Variants in SLC12A2 observed in about 807,000 individuals in gnomAD.
SLC12A2 encodes the protein Na-K-2Cl cotransporter 1.
Under a neutral mutation model 136.3 loss-of-function variants are expected in SLC12A2, and 67 were observed. The observed-to-expected ratio is 0.49, with a 90% confidence interval of 0.40 to 0.60. SLC12A2 has a LOEUF of 0.60. Ranked by LOEUF, SLC12A2 falls within the 20% of genes least tolerant of loss-of-function variation. SLC12A2 has a pLI of 0.00. For synonymous variants in SLC12A2, 619 were observed against 562.9 expected (o/e 1.10, Z -1.41); for missense variants, 1,322 against 1,534.7 (o/e 0.86, Z 2.32).
rs1288457750 is a variant in SLC12A2 at position 128,188,669 on chromosome 5, G to C, written c.*2038G>C. 6.7e-6 allele frequency: 1 copy of C among 149,664 alleles called. No individual in the cohort carries two copies. The highest frequency in any genetic ancestry group is 1.5e-5 in the Non-Finnish European group (1 of 67,702). The allele number at this position is 149,664 out of a possible 1,614,324, so 9.3% of individuals were successfully genotyped here. A position where few individuals can be genotyped will look rare whatever the true frequency, so the allele number is the denominator to read the frequency against. ...TGCAGCATTTTTGCTTCATGAGTATGACCTAGGTATAGAGATCTGATAACT... is the reference window on the plus strand; with the variant it reads ...TGCAGCATTTTTGCTTCATGAGTATCACCTAGGTATAGAGATCTGATAACT... On this transcript the variant is annotated 3_prime_UTR_variant, in exon 27 of 27. Transcript: ENST00000262461.
chr5:128,186,446 A>G, intron 26 of SLC12A2, 50 bp from the exon 27 acceptor site: 1 of 1,543,864 alleles, frequency 6.5e-7, no homozygotes. Flanking sequence ...TTATTCTGTA[A>G]ATGCATTGCT....
intron 13 of SLC12A2, among the ~76,000 whole-genome samples, chr5:128,150,534 A>C (rs186398329): frequency 2.0e-5 from 3 of 151,860 alleles, no homozygotes; most frequent in Non-Finnish European, 4.4e-5. Flanking sequence ...AAAGATTTGA[A>C]AGTCTGAGAA....
At position 128,084,823 on chromosome 5, in the gene SLC12A2, T is replaced by A; in HGVS notation, c.756+113T>A. ...GGCGGGAGTAGTAGACGTGCACGAC[T>A]TGCTGGCATCTCTGGATTCAGCTGT... is the stretch of plus-strand genomic sequence containing the variant. On this transcript the variant is annotated intron_variant, in intron 1 of 26. Coordinates refer to ENST00000262461, the MANE Select transcript of SLC12A2 (RefSeq NM_001046.3). The surrounding 1 kb of genome is among the most constrained non-coding windows in gnomAD (Gnocchi z 5.6). The A allele has an allele frequency of 8.6e-7, 1 of 1,168,198 alleles. No homozygotes were observed. Among genetic ancestry groups the A allele is most frequent in the Non-Finnish European group, 1.2e-6 (1 of 853,518 alleles). 72.4% of individuals were successfully genotyped at this position (1,168,198 alleles called of 1,614,324 possible). A position where few individuals can be genotyped will look rare whatever the true frequency, so the allele number is the denominator to read the frequency against.
chr5:128,141,998 T>C lies in SLC12A2; in HGVS notation c.1773+17T>C. On this transcript the variant is annotated intron_variant, in intron 10 of 26. Coordinates refer to ENST00000262461, the MANE Select transcript of SLC12A2 (RefSeq NM_001046.3). ...AACTTCCAGGTGAGCATTGACTTTG[T>C]AATATACAGACATTCTGTATTTATC... is the stretch of plus-strand genomic sequence containing the variant. 6.2e-7 allele frequency: 1 copy of C among 1,609,422 alleles called. No individual in the cohort carries two copies. The highest frequency in any genetic ancestry group is 8.5e-7 in the Non-Finnish European group (1 of 1,176,078).
chr5:128,147,067 A>G (rs1234564034), intron 10 of SLC12A2, among the ~76,000 whole-genome samples: 1 of 149,678 alleles, frequency 6.7e-6, no homozygotes, highest in Non-Finnish European at 1.5e-5. Context: ...GCATAAACCA[A>G]ATATAATGTG....
intron 1 of SLC12A2, among the ~76,000 whole-genome samples, chr5:128,090,035 GT>G (rs1471694661): frequency 6.6e-6 from 1 of 152,190 alleles, no homozygotes; most frequent in East Asian, 1.9e-4. Flanking sequence ...TGATTTCACA[GT>G]TTTGCCAGGG....
chr5:128,102,132 T>A (rs1760760084), intron 1 of SLC12A2, among the ~76,000 whole-genome samples: 1 of 152,162 alleles, frequency 6.6e-6, no homozygotes, highest in Non-Finnish European at 1.5e-5. Context: ...AGCTAAAATT[T>A]ATTGAGCTCT....
chr5:128,172,158 A>T (rs964865613), intron 19 of SLC12A2, among the ~76,000 whole-genome samples: 1 of 152,218 alleles, frequency 6.6e-6, no homozygotes, highest in Non-Finnish European at 1.5e-5. Flanking sequence ...AAAGTTTGTC[A>T]TAACGTTTTC....
At chr5:128,099,219 A>G (rs1760656642) in intron 1 of SLC12A2, among the ~76,000 whole-genome samples, 1 of 152,176 alleles carries the variant, frequency 6.6e-6, no homozygotes, top group South Asian at 2.1e-4. Context: ...CCTAGGCTAT[A>G]TGGTGTAGCC....
intron 6 of SLC12A2, 78 bp downstream of exon 6, chr5:128,134,353 A>G (rs898046543): frequency 1.3e-6 from 1 of 771,968 alleles, no homozygotes; most frequent in Non-Finnish European, 2.3e-6. Context: ...ACTCTGAAGT[A>G]TGGTAATATT....
At chr5:128,180,415 C>G (rs908340546) in intron 22 of SLC12A2, among the ~76,000 whole-genome samples, 10 of 152,134 alleles carry the variant, frequency 6.6e-5, no homozygotes, top group Non-Finnish European at 1.5e-4. Context: ...AAACAAAGAT[C>G]AGGGCATTGG....
intron 12 of SLC12A2, among the ~76,000 whole-genome samples, chr5:128,149,321 T>C (rs1371686012): frequency 6.6e-6 from 1 of 151,846 alleles, no homozygotes; most frequent in African/African-American, 2.4e-5. Context: ...CCACAAGTGT[T>C]GTGGGACTAT....
At chr5:128,098,113 G>T (rs1760609419) in intron 1 of SLC12A2, among the ~76,000 whole-genome samples, 1 of 151,972 alleles carries the variant, frequency 6.6e-6, no homozygotes, top group Non-Finnish European at 1.5e-5. Flanking sequence ...TTGACTTTCA[G>T]CAGTTTGTGC....
At chr5:128,107,446 C>T (rs1284239005) in intron 1 of SLC12A2, among the ~76,000 whole-genome samples, 2 of 152,174 alleles carry the variant, frequency 1.3e-5, no homozygotes, top group Non-Finnish European at 2.9e-5. Flanking sequence ...TCCCCTACCC[C>T]TCCCTGCCGC....
At chr5:128,137,269 A>G (rs1194421550) in intron 7 of SLC12A2, among the ~76,000 whole-genome samples, 1 of 152,082 alleles carries the variant, frequency 6.6e-6, no homozygotes, top group Admixed American at 6.5e-5. Context: ...TAAGAATTTT[A>G]TCTTCTTTTA....
Position 128,084,111 on chromosome 5 carries a change from G to T in SLC12A2, c.157G>T (p.Gly53Cys). Reference sequence around the variant, plus strand: ...GGATGCTGCGCCCGCGAGCCGGGACGGCGGCGGGGTCCGCGATGAGGGCCC... The same window carrying T: ...GGATGCTGCGCCCGCGAGCCGGGACTGCGGCGGGGTCCGCGATGAGGGCCC... ...PEDAAPASRD[G>C]GGVRDEGPAA... The change falls in exon 1 of 27, where the codon GGC becomes TGC. Residue 53 changes from glycine (G) to cysteine (C), a missense_variant. Around this residue, in one of 8 missense-constraint regions of SLC12A2, gnomAD observed 358 missense variants for 299.7 expected, o/e 1.19. Coordinates refer to ENST00000262461, the MANE Select transcript of SLC12A2 (RefSeq NM_001046.3). The surrounding 1 kb of genome is among the most constrained non-coding windows in gnomAD (Gnocchi z 5.6). The T allele has an allele frequency of 7.6e-7, 1 of 1,309,178 alleles. No individual in the cohort carries two copies. Among genetic ancestry groups the T allele is most frequent in the Non-Finnish European group, 9.7e-7 (1 of 1,033,232 alleles). The allele number at this position is 1,309,178 out of a possible 1,614,324, so 81.1% of individuals were successfully genotyped here.
chr5:128,084,113 C>A lies in SLC12A2; in HGVS notation c.159C>A (p.Gly53=). Residue 53 remains glycine, a synonymous_variant, in exon 1 of 27, where the codon GGC becomes GGA. Coordinates refer to ENST00000262461, the MANE Select transcript of SLC12A2 (RefSeq NM_001046.3). This position sits in a 1 kb window ranked among gnomAD's most constrained non-coding sequence, Gnocchi z 5.6. ...ATGCTGCGCCCGCGAGCCGGGACGG[C>A]GGCGGGGTCCGCGATGAGGGCCCCG... ...PEDAAPASRD[G]GGVRDEGPAA... is the part of the protein sequence containing the mutation. The A allele has an allele frequency of 1.5e-6, 2 of 1,307,028 alleles. No individual in the cohort carries two copies. The highest frequency in any genetic ancestry group is 3.7e-5 in the Admixed American group (1 of 26,880). The allele number at this position is 1,307,028 out of a possible 1,614,324, so 81.0% of individuals were successfully genotyped here.
In SLC12A2 at chr5:128,186,740, T is replaced by G; in HGVS notation, c.*109T>G. 8.6e-7 allele frequency: 1 copy of G among 1,162,664 alleles called. No individual in the cohort carries two copies. Among genetic ancestry groups the G allele is most frequent in the Non-Finnish European group, 1.2e-6 (1 of 816,264 alleles). The allele number at this position is 1,162,664 out of a possible 1,614,324, so 72.0% of individuals were successfully genotyped here. On this transcript the variant is annotated 3_prime_UTR_variant, in exon 27 of 27. Coordinates refer to ENST00000262461, the MANE Select transcript of SLC12A2 (RefSeq NM_001046.3). Reference sequence around the variant, plus strand: ...CACAATGGCGAATGGTGACTTTTCTTTCACGATTTCATTAATTTGAAAGCA... The same window carrying G: ...CACAATGGCGAATGGTGACTTTTCTGTCACGATTTCATTAATTTGAAAGCA...
chr5:128,131,343 A>G (rs570752095), intron 5 of SLC12A2, 137 bp downstream of exon 5: 2 of 876,286 alleles, frequency 2.3e-6, no homozygotes, highest in South Asian at 3.3e-5. Context: ...ACTACAGGAG[A>G]TAGGCAAAGA....
Sources: allele counts gnomAD v4.1 joint callset (sites outside exome capture counted in the v4.1 genomes callset), GRCh38; gene constraint gnomAD v4.1.1; regional missense constraint gnomAD v4.1.1; non-coding constraint Gnocchi (gnomAD v3.1); transcripts MANE v1.5; gene names NCBI Gene and HGNC (gene_info 2026-07-23, HGNC 2026-07-21).